FOXP4: variants seen among roughly 807,000 people sequenced by gnomAD.
FOXP4 encodes forkhead box P4.
A neutral mutation model predicts 82.6 loss-of-function variants in FOXP4; 25 were observed. The observed-to-expected ratio is 0.30, with a 90% CI of 0.22 to 0.42. The LOEUF (loss-of-function observed/expected upper bound fraction) is 0.42, where lower values mean the gene tolerates loss of function less well. FOXP4 is among the 10% of genes least tolerant of loss of function. The pLI, the probability that FOXP4 is intolerant of heterozygous loss-of-function variation, is 1.00. For synonymous variants in FOXP4, 415 were observed against 388.2 expected (o/e 1.07, Z -0.81); for missense variants, 785 against 900.9 (o/e 0.87, Z 1.65).
rs1367241782 is a variant in FOXP4, at chr6:41,589,893, C to A, written c.1149+39C>A. ...CCCTCCCCGCCCCTCCCAGAGCCTT[C>A]CACAGACCCTGGAGCCTCGGGACCC... On this transcript the variant is annotated intron_variant, in intron 10 of 16. Transcript: ENST00000307972. The A allele has an allele frequency of 1.9e-6, 3 of 1,605,928 alleles. No individual in the cohort carries two copies. In the African/African-American group the frequency reaches 4.0e-5, roughly 21 times the overall value.
intron 1 of FOXP4, among the ~76,000 whole-genome samples, chr6:41,549,379 C>T (rs1763867425): frequency 6.6e-6 from 1 of 152,172 alleles, no homozygotes; most frequent in South Asian, 2.1e-4. Context: ...CTGCTCCTGT[C>T]CCTTTCTGTG....
chr6:41,588,177 C>T (rs1033757137), intron 8 of FOXP4, among the ~76,000 whole-genome samples: 1 of 152,232 alleles, frequency 6.6e-6, no homozygotes, highest in Non-Finnish European at 1.5e-5. Flanking sequence ...CTCCTCCCCC[C>T]ACCCTCCCCT....
At chr6:41,587,192 C>A in intron 6 of FOXP4, 36 bp downstream of exon 6, 1 of 1,609,180 alleles carries the variant, frequency 6.2e-7, no homozygotes, top group Non-Finnish European at 8.5e-7. Flanking sequence ...CCAGCCCCAA[C>A]CCCACAGCCC....
chr6:41,557,806 T>A (rs1464903982), intron 1 of FOXP4, among the ~76,000 whole-genome samples: 1 of 152,192 alleles, frequency 6.6e-6, no homozygotes, highest in Non-Finnish European at 1.5e-5. Flanking sequence ...TTCAAAATTT[T>A]CTACCAGGAT....
chr6:41,567,485 C>T (rs574111953), intron 2 of FOXP4, among the ~76,000 whole-genome samples: 3 of 152,252 alleles, frequency 2.0e-5, no homozygotes, highest in Admixed American at 2.0e-4. Flanking sequence ...GGTTAAAGGG[C>T]AATATCCTAA....
In FOXP4 at chr6:41,583,479, T is replaced by G. The variant is rs187600775; in HGVS notation, c.301-1290T>G. Among the ~76,000 whole-genome samples, 762 of 152,310 alleles carry G rather than the reference T, an allele frequency of 5.0e-3. 4 individuals are homozygous for G. Among genetic ancestry groups the G allele is most frequent in the Non-Finnish European group, 7.5e-3 (510 of 68,012 alleles). ...GACAAGTCCCTACACAGCACTCCTC[T>G]CTGACTGGGCTAGCCCTGTAACCTT... On this transcript the variant is annotated intron_variant, in intron 3 of 16. Coordinates refer to ENST00000307972, the MANE Select transcript of FOXP4 (RefSeq NM_001012426.2).
At chr6:41,559,589 GAGCATCT>G (rs569216050) in intron 1 of FOXP4, among the ~76,000 whole-genome samples, 31 of 152,316 alleles carry the variant, frequency 2.0e-4, no homozygotes, top group Middle Eastern at 3.4e-3. Context: ...GCAGCTCTCA[GAGCATCT>G]AAGGACACTG....
intron 1 of FOXP4, among the ~76,000 whole-genome samples, chr6:41,550,675 G>C (rs915270791): frequency 2.0e-5 from 3 of 152,256 alleles, no homozygotes; most frequent in African/African-American, 7.2e-5. Context: ...CTGCCTTCTA[G>C]TGTGAATACT....
chr6:41,587,682 A>T lies in FOXP4; in HGVS notation c.873-111A>T. The T allele has an allele frequency of 3.3e-6, 3 of 919,442 alleles. No homozygotes were observed. In the Admixed American group the frequency reaches 7.4e-5, roughly 23 times the overall value. 57.0% of individuals were successfully genotyped at this position (919,442 alleles called of 1,614,324 possible). ...ACAGATGGTGCTTGGCCGCTGGGAA[A>T]CCTGTATTGGGGCAGAAATGTCACC... is the stretch of plus-strand genomic sequence containing the variant. On this transcript the variant is annotated intron_variant, in intron 7 of 16. Coordinates refer to ENST00000307972, the MANE Select transcript of FOXP4 (RefSeq NM_001012426.2).
At chr6:41,567,620 G>C (rs927177004) in intron 2 of FOXP4, among the ~76,000 whole-genome samples, 1 of 152,216 alleles carries the variant, frequency 6.6e-6, no homozygotes, top group African/African-American at 2.4e-5. Context: ...AAATGTAGGG[G>C]TTGGGGAGTA....
Position 41,581,186 on chromosome 6 carries a change from G to A in FOXP4, c.300+3105G>A, listed in dbSNP as rs1765779590. On this transcript the variant is annotated intron_variant, in intron 3 of 16. Coordinates refer to ENST00000307972, the MANE Select transcript of FOXP4 (RefSeq NM_001012426.2). ...GTTTGAGGACTTCTGGTCATTTGCAGGAGAGTTTAAGCCAAACCAAACTCT... is the reference window on the plus strand; with the variant it reads ...GTTTGAGGACTTCTGGTCATTTGCAAGAGAGTTTAAGCCAAACCAAACTCT... 5.9e-5 allele frequency among the ~76,000 whole-genome samples: 9 copies of A among 152,310 alleles called. No homozygotes were observed. In the South Asian group the frequency reaches 1.9e-3, roughly 32 times the overall value.
intron 2 of FOXP4, among the ~76,000 whole-genome samples, chr6:41,574,490 G>T (rs578082167): frequency 3.0e-4 from 45 of 152,360 alleles, no homozygotes; most frequent in African/African-American, 1.1e-3. Context: ...GTGTCAGCCT[G>T]TGCCAGCCTC....
At chr6:41,594,153 A>G (rs1222572469) in intron 13 of FOXP4, among the ~76,000 whole-genome samples, 8 of 152,174 alleles carry the variant, frequency 5.3e-5, no homozygotes, top group Non-Finnish European at 8.8e-5. Context: ...GATGACCTCA[A>G]TTCTTGAAGT....
At chr6:41,552,711 G>T (rs1472771178) in intron 1 of FOXP4, among the ~76,000 whole-genome samples, 1 of 152,086 alleles carries the variant, frequency 6.6e-6, no homozygotes, top group Non-Finnish European at 1.5e-5. Flanking sequence ...GGCTAGCTCG[G>T]GCCGGCAGCT....
intron 1 of FOXP4, among the ~76,000 whole-genome samples, chr6:41,561,542 A>G (rs982176631): frequency 2.0e-5 from 3 of 152,186 alleles, no homozygotes; most frequent in Admixed American, 1.3e-4. Context: ...GCAGGTGTTC[A>G]GCTGCTCCTT....
chr6:41,559,454 T>C (rs1191616752), intron 1 of FOXP4, among the ~76,000 whole-genome samples: 1 of 152,194 alleles, frequency 6.6e-6, no homozygotes. Flanking sequence ...TGTTCATGGC[T>C]AAAGCCCCAC....
intron 2 of FOXP4, among the ~76,000 whole-genome samples, chr6:41,572,324 C>G (rs1464788774): frequency 6.6e-6 from 1 of 152,176 alleles, no homozygotes; most frequent in African/African-American, 2.4e-5. Context: ...AGCCAGCCAG[C>G]CTCCATGGGA....
Position 41,597,840 on chromosome 6 carries a change from C to T in FOXP4, c.1785C>T (p.Gly595=). 6.2e-7 allele frequency: 1 copy of T among 1,604,250 alleles called. No homozygotes were observed. Among genetic ancestry groups the T allele is most frequent in the Non-Finnish European group, 8.5e-7 (1 of 1,178,328 alleles). Reference sequence around the variant, plus strand: ...ACAGCCCTGGCATGCTGAACCCTGGCTCCGCCAGCAGCCTGCTGCCCCTCA... The same window carrying T: ...ACAGCCCTGGCATGCTGAACCCTGGTTCCGCCAGCAGCCTGCTGCCCCTCA... ...LLNSPGMLNP[G]SASSLLPLSH... Residue 595 remains glycine (G), a synonymous_variant, in exon 16 of 17, where the codon GGC becomes GGT. Coordinates refer to ENST00000307972, the MANE Select transcript of FOXP4 (RefSeq NM_001012426.2).
chr6:41,565,546 G>C (rs143648936), intron 1 of FOXP4, among the ~76,000 whole-genome samples, 199 bp from the exon 2 acceptor site: 9 of 152,210 alleles, frequency 5.9e-5, no homozygotes, highest in Non-Finnish European at 4.4e-5. Context: ...GGTTGGGGGT[G>C]TGGAGCCACC....
Sources: gnomAD v4.1 joint callset for allele counts (sites outside exome capture counted in the v4.1 genomes callset) on GRCh38, gnomAD v4.1.1 for gene constraint, MANE v1.5 for transcripts, NCBI Gene and HGNC (gene_info 2026-07-23, HGNC 2026-07-21) for gene names.